The following DENND4C variants were observed in gnomAD, a reference collection of about 807,000 sequenced individuals.
DENND4C encodes the protein DENN domain-containing protein 4C.
DENND4C carries 108 observed loss-of-function variants against 203.0 expected under a neutral mutation model. That is an observed-to-expected ratio of 0.53 (90% CI 0.46 to 0.62). The LOEUF is 0.62. DENND4C is among the 20% of genes least tolerant of loss of function. The pLI is 0.00. For missense variants in DENND4C, 2,481 were observed against 2,301.2 expected (o/e 1.08, Z -1.60); for synonymous variants, 871 against 792.4 (o/e 1.10, Z -1.67).
At chr9:19,256,755 A>G (rs1383225979) in intron 1 of DENND4C, among the ~76,000 whole-genome samples, 4 of 152,132 alleles carry the variant, frequency 2.6e-5, no homozygotes, top group African/African-American at 9.7e-5. Flanking sequence ...CTATTGGGCA[A>G]AGAAAATATT....
chr9:19,284,218 A>G (rs1208527882), intron 2 of DENND4C, among the ~76,000 whole-genome samples: 1 of 152,118 alleles, frequency 6.6e-6, no homozygotes, highest in Non-Finnish European at 1.5e-5. Flanking sequence ...GATACTCTAT[A>G]CCCTATTTTG....
rs568507224 is a variant in DENND4C, at chr9:19,344,867, G to T, written c.3152-1054G>T. Among the ~76,000 whole-genome samples the T allele has an allele frequency of 4.7e-4, 71 of 152,284 alleles. No individual in the cohort carries two copies. In the South Asian group the frequency reaches 0.011, roughly 24 times the overall value. ...TTCTTATAGTTCTAGGGGCTGGAAA[G>T]TCCAGGGTTAGGGTGTTAGCATGGT... On this transcript the variant is annotated intron_variant, in intron 22 of 32. Transcript: ENST00000434457.
intron 5 of DENND4C, among the ~76,000 whole-genome samples, chr9:19,291,638 G>C (rs139066409): frequency 1.3e-5 from 2 of 150,230 alleles, no homozygotes; most frequent in Non-Finnish European, 2.9e-5. Flanking sequence ...CCGGGAGACA[G>C]AGGTTGCAAT....
rs188840540 is a variant in DENND4C at position 19,245,239 on chromosome 9, C to T, written c.-18+14406C>T. ...ATCCCAGCACTTTGGGAGGCCGAGGCGGGCAGATCACGAGGTCAGGAGATC... is the reference window on the plus strand; with the variant it reads ...ATCCCAGCACTTTGGGAGGCCGAGGTGGGCAGATCACGAGGTCAGGAGATC... On this transcript the variant is annotated intron_variant, in intron 1 of 32. Coordinates refer to ENST00000434457, the MANE Select transcript of DENND4C (RefSeq NM_001330640.2). 2.1e-3 allele frequency among the ~76,000 whole-genome samples: 322 copies of T among 151,528 alleles called. 1 individual carries two copies. Among genetic ancestry groups the T allele is most frequent in the African/African-American group, 7.5e-3 (311 of 41,274 alleles).
intron 1 of DENND4C, among the ~76,000 whole-genome samples, chr9:19,267,829 G>A (rs141729146): frequency 2.6e-5 from 4 of 152,106 alleles, no homozygotes; most frequent in African/African-American, 7.2e-5. Flanking sequence ...ATGAACCACT[G>A]TGCCCAGCCT....
chr9:19,331,912 C>G (rs1486432225), intron 16 of DENND4C, 66 bp from the exon 17 acceptor site: 2 of 1,423,700 alleles, frequency 1.4e-6, no homozygotes, highest in African/African-American at 2.9e-5. Context: ...CTCCCTTTTC[C>G]TTCTCACTTC....
chr9:19,366,168 T>G (rs750475090), intron 30 of DENND4C, among the ~76,000 whole-genome samples: 1 of 152,226 alleles, frequency 6.6e-6, no homozygotes. Context: ...TTTGAAAACT[T>G]ACTGCAAAGC....
intron 1 of DENND4C, among the ~76,000 whole-genome samples, chr9:19,272,758 T>G (rs1243283325): frequency 6.6e-6 from 1 of 151,558 alleles, no homozygotes; most frequent in Non-Finnish European, 1.5e-5. Context: ...AGACATGTTT[T>G]TTTATTTTTA....
chr9:19,328,126 A>G lies in DENND4C; in HGVS notation c.2217A>G (p.Thr739=), dbSNP rs773373850. 12 of 1,613,550 alleles carry G rather than the reference A, an allele frequency of 7.4e-6. No homozygotes were observed. The highest frequency in any genetic ancestry group is 2.2e-5 in the South Asian group (2 of 91,012). ...FSRHPTGNSI[T]KSPPLMAKRT... ...GACACCCTACTGGGAATAGCATTAC[A>G]AAGAGTCCACCTCTCATGGCTAAGA... Residue 739 remains threonine, a synonymous_variant, in exon 16 of 33, where the codon ACA becomes ACG. Transcript: ENST00000434457.
chr9:19,243,340 A>T (rs1285062597), intron 1 of DENND4C, among the ~76,000 whole-genome samples: 2 of 152,126 alleles, frequency 1.3e-5, no homozygotes, highest in African/African-American at 2.4e-5. Flanking sequence ...TTCCTTTTTT[A>T]AAAAATTCTG....
At chr9:19,338,268 C>T (rs1285274529) in intron 20 of DENND4C, among the ~76,000 whole-genome samples, 1 of 151,666 alleles carries the variant, frequency 6.6e-6, no homozygotes, top group Non-Finnish European at 1.5e-5. Flanking sequence ...GTATAAAAAG[C>T]AAAAAAATAT....
chr9:19,237,298 C>T (rs369190556), intron 1 of DENND4C, among the ~76,000 whole-genome samples: 3 of 152,270 alleles, frequency 2.0e-5, no homozygotes, highest in African/African-American at 7.2e-5. Context: ...GGATTACAGG[C>T]GTGAGCCACC....
At position 19,336,798 on chromosome 9, in the gene DENND4C, C is replaced by T. The variant is rs1200935556; in HGVS notation, c.2847C>T (p.Ile949=). Reference sequence around the variant, plus strand: ...ACACAGTCTTCGTCAGAGATTTAATCAGGCTTGAGTCCATTGATAATCACT... The same window carrying T: ...ACACAGTCTTCGTCAGAGATTTAATTAGGCTTGAGTCCATTGATAATCACT... ...GEHTVFVRDL[I]RLESIDNHSS... The change falls in exon 20 of 33, where the codon ATC becomes ATT. Residue 949 remains isoleucine (I), a synonymous_variant. Coordinates refer to ENST00000434457, the MANE Select transcript of DENND4C (RefSeq NM_001330640.2). 3 of 1,550,596 alleles carry T rather than the reference C, an allele frequency of 1.9e-6. No individual in the cohort carries two copies. The African/African-American group carries it at 4.1e-5, about 21-fold the overall frequency.
chr9:19,331,612 T>C (rs998758182), intron 16 of DENND4C, among the ~76,000 whole-genome samples: 2 of 152,310 alleles, frequency 1.3e-5, no homozygotes, highest in Middle Eastern at 3.4e-3. Flanking sequence ...TCTTAAACTT[T>C]AGTGAAGAGA....
intron 23 of DENND4C, among the ~76,000 whole-genome samples, chr9:19,348,310 T>C (rs1823350775): frequency 6.6e-6 from 1 of 152,180 alleles, no homozygotes; most frequent in African/African-American, 2.4e-5. Flanking sequence ...CTAGAGTCCA[T>C]GCTCTTACCT....
intron 1 of DENND4C, among the ~76,000 whole-genome samples, chr9:19,260,460 T>C (rs1829082828): frequency 6.6e-6 from 1 of 152,050 alleles, no homozygotes; most frequent in Non-Finnish European, 1.5e-5. Context: ...TGGGGTGGCA[T>C]GATCTCGGCT....
chr9:19,362,837 T>C (rs1355885893), intron 30 of DENND4C, among the ~76,000 whole-genome samples: 1 of 152,232 alleles, frequency 6.6e-6, no homozygotes, highest in Non-Finnish European at 1.5e-5. Flanking sequence ...TAAAGAGTTA[T>C]TATTCATGTA....
At chr9:19,331,014 C>T (rs1304658050) in intron 16 of DENND4C, among the ~76,000 whole-genome samples, 1 of 151,600 alleles carries the variant, frequency 6.6e-6, no homozygotes, top group Admixed American at 6.6e-5. Flanking sequence ...TGAGATCACG[C>T]CATTGCACTC....
chr9:19,258,313 C>A lies in DENND4C; in HGVS notation c.-17-17845C>A, dbSNP rs76344348. On this transcript the variant is annotated intron_variant, in intron 1 of 32. Coordinates refer to ENST00000434457, the MANE Select transcript of DENND4C (RefSeq NM_001330640.2). Reference sequence around the variant, plus strand: ...TAACACCATTTCTCTACAACCTTTTCCAGAAAATTGAAGAGGAGGAAATTT... The same window carrying A: ...TAACACCATTTCTCTACAACCTTTTACAGAAAATTGAAGAGGAGGAAATTT... Among the ~76,000 whole-genome samples, 21 of 152,272 alleles carry A rather than the reference C, an allele frequency of 1.4e-4. No homozygotes were observed. In the East Asian group the frequency reaches 3.9e-3, roughly 28 times the overall value.
Sources: allele counts gnomAD v4.1 joint callset (sites outside exome capture counted in the v4.1 genomes callset), GRCh38; gene constraint gnomAD v4.1.1; transcripts MANE v1.5; gene names NCBI Gene and HGNC (gene_info 2026-07-23, HGNC 2026-07-21).